Variants in SETD1A observed in about 807,000 individuals in gnomAD.
The protein encoded by SETD1A is histone-lysine N-methyltransferase SETD1A.
A neutral mutation model predicts 149.9 loss-of-function variants in SETD1A; 29 were observed. The observed-to-expected ratio is 0.19, with a 90% confidence interval of 0.14 to 0.26. The LOEUF (loss-of-function observed/expected upper bound fraction) is 0.26, where lower values mean the gene tolerates loss of function less well. SETD1A is among the 10% of genes least tolerant of loss of function. The pLI is 1.00. For missense variants in SETD1A, 2,109 were observed against 2,353.1 expected (o/e 0.90, Z 2.15); for synonymous variants, 1,141 against 968.5 (o/e 1.18, Z -3.31).
chr16:30,967,064 C>T lies in SETD1A; in HGVS notation c.2682+4C>T, dbSNP rs1315477766. The stretch of plus-strand genomic sequence containing the variant: ...CCTGCGGCTGCCTTCATTCAAGGTA[C>T]TCAGAACTGTCGTTTTGTGGGGTAG... On this transcript the variant is annotated splice_donor_region_variant and intron_variant, in intron 9 of 18. Transcript: ENST00000262519. 6.3e-7 allele frequency: 1 copy of T among 1,574,916 alleles called. No individual in the cohort carries two copies. The highest frequency in any genetic ancestry group is 8.6e-7 in the Non-Finnish European group (1 of 1,161,758).
At chr16:30,970,470 G>C (rs1256290515) in intron 12 of SETD1A, among the ~76,000 whole-genome samples, 4 of 151,962 alleles carry the variant, frequency 2.6e-5, no homozygotes, top group Admixed American at 1.3e-4. Context: ...GTTTTACCAT[G>C]TTGGCCAGGC....
rs2056159518 is a variant in SETD1A at position 30,967,139 on chromosome 16, G to A, written c.2682+79G>A. On this transcript the variant is annotated intron_variant, in intron 9 of 18. Transcript: ENST00000262519. The stretch of plus-strand genomic sequence containing the variant: ...CCTTCCTTGGGGTAGGGGTGGTCAG[G>A]AACCATGAGTGTTTGAGTTTTTTCT... 2.8e-6 allele frequency: 3 copies of A among 1,080,124 alleles called. No individual in the cohort carries two copies. In the Admixed American group the frequency reaches 8.8e-5, roughly 32 times the overall value. 66.9% of individuals were successfully genotyped at this position (1,080,124 alleles called of 1,614,324 possible). A position where few individuals can be genotyped will look rare whatever the true frequency, so the allele number is the denominator to read the frequency against.
rs778312766 is a variant in SETD1A, at chr16:30,979,936, G to T, written c.4150G>T (p.Asp1384Tyr). Residue 1384 changes from aspartate (D) to tyrosine (Y), a missense_variant, in exon 14 of 19, where the codon GAT becomes TAT. Around this residue, in one of 8 missense-constraint regions of SETD1A, gnomAD observed 832 missense variants for 815.6 expected, o/e 1.02. Transcript: ENST00000262519. ...EESSDSSSSSDGEGALRRRSL... is the reference protein window; with the variant it reads ...EESSDSSSSSYGEGALRRRSL... ...GTCCTCTGACAGCAGCAGCAGCAGC[G>T]ATGGGGAGGGCGCCCTCCGGAGGCG... 2.0e-6 allele frequency: 3 copies of T among 1,534,190 alleles called. No individual in the cohort carries two copies. The highest frequency in any genetic ancestry group is 2.6e-6 in the Non-Finnish European group (3 of 1,144,958).
rs537106507 is a variant in SETD1A at position 30,978,229 on chromosome 16, G to C, written c.3359-916G>C. On this transcript the variant is annotated intron_variant, in intron 13 of 18. Transcript: ENST00000262519. ...GCGGAGGTTGCAGTAAGCCGAGATT[G>C]CGCCACTGCACTCCCACCTGGCGAC... Among the ~76,000 whole-genome samples, 194 of 148,072 alleles carry C rather than the reference G, an allele frequency of 1.3e-3. 1 individual carries two copies. In the East Asian group the frequency reaches 0.017, roughly 13 times the overall value.
At position 30,964,126 on chromosome 16, in the gene SETD1A, A is replaced by C; in HGVS notation, c.672A>C (p.Thr224=). 1 of 1,614,032 alleles carries C rather than the reference A, an allele frequency of 6.2e-7. No homozygotes were observed. Among genetic ancestry groups the C allele is most frequent in the South Asian group, 1.1e-5 (1 of 91,088 alleles). The part of the protein sequence containing the change: ...AESRRRSSSD[T]AAYPAGTTAV... Reference sequence around the variant, plus strand: ...CCCGCCGCCGCTCTTCCTCTGACACAGCTGCCTACCCAGCAGGCACCACTG... The same window carrying C: ...CCCGCCGCCGCTCTTCCTCTGACACCGCTGCCTACCCAGCAGGCACCACTG... The change falls in exon 6 of 19, where the codon ACA becomes ACC. Residue 224 remains threonine, a synonymous_variant. Coordinates refer to ENST00000262519, the MANE Select transcript of SETD1A (RefSeq NM_014712.3).
chr16:30,977,798 C>T (rs1259955237), intron 13 of SETD1A, among the ~76,000 whole-genome samples: 1 of 152,208 alleles, frequency 6.6e-6, no homozygotes, highest in Non-Finnish European at 1.5e-5. Context: ...GAATCGCTGC[C>T]TCCTAGGGCC....
At chr16:30,960,062 A>G (rs936670468) in intron 3 of SETD1A, among the ~76,000 whole-genome samples, 2 of 152,138 alleles carry the variant, frequency 1.3e-5, no homozygotes, top group Non-Finnish European at 2.9e-5. Context: ...TCAGTTGGTC[A>G]CCGAATCCTC....
At chr16:30,982,624 GGA>G (rs2056395024) in intron 17 of SETD1A, among the ~76,000 whole-genome samples, 1 of 151,924 alleles carries the variant, frequency 6.6e-6, no homozygotes, top group Non-Finnish European at 1.5e-5. Context: ...TGGTGAGAGA[GGA>G]GGAAAGTCCC....
Position 30,980,342 on chromosome 16 carries a change from G to A in SETD1A, c.4409-143G>A, listed in dbSNP as rs1433012126. ...TGGTGCCTCTTTTCTGCCTTCCAAA[G>A]CATTTCTGGCAGGAACGATGGGGCT... On this transcript the variant is annotated intron_variant, in intron 14 of 18. Coordinates refer to ENST00000262519, the MANE Select transcript of SETD1A (RefSeq NM_014712.3). This position sits in a 1 kb window ranked among gnomAD's most constrained non-coding sequence, Gnocchi z 7.7. The A allele has an allele frequency of 1.4e-6, 2 of 1,442,338 alleles. No individual in the cohort carries two copies. The highest frequency in any genetic ancestry group is 4.7e-5 in the East Asian group (2 of 42,966). 89.3% of individuals were successfully genotyped at this position (1,442,338 alleles called of 1,614,324 possible). A position where few individuals can be genotyped will look rare whatever the true frequency, so the allele number is the denominator to read the frequency against.
At chr16:30,966,511 C>A in intron 8 of SETD1A, 125 bp downstream of exon 8, 1 of 1,409,298 alleles carries the variant, frequency 7.1e-7, no homozygotes, top group Non-Finnish European at 9.4e-7. Context: ...GGCCGCAGGC[C>A]CTGCAGGCCA....
intron 10 of SETD1A, among the ~76,000 whole-genome samples, chr16:30,968,821 T>C (rs1241404994): frequency 6.7e-6 from 1 of 149,334 alleles, no homozygotes; most frequent in Non-Finnish European, 1.5e-5. Context: ...TATATATATA[T>C]ATGCCAGGCA....
chr16:30,961,194 C>T lies in SETD1A; in HGVS notation c.247-73C>T. The T allele has an allele frequency of 2.7e-6, 4 of 1,506,154 alleles. No individual in the cohort carries two copies. The highest frequency in any genetic ancestry group is 3.6e-6 in the Non-Finnish European group (4 of 1,096,454). 93.3% of individuals were successfully genotyped at this position (1,506,154 alleles called of 1,614,324 possible). On this transcript the variant is annotated intron_variant, in intron 3 of 18. Coordinates refer to ENST00000262519, the MANE Select transcript of SETD1A (RefSeq NM_014712.3). The surrounding 1 kb of genome is among the most constrained non-coding windows in gnomAD (Gnocchi z 4.0). ...CTCTCTCTTGACTTCATGGAGCTTG[C>T]TAAAGTTTCCCGAAGGACAAAGGAA...
intron 4 of SETD1A, among the ~76,000 whole-genome samples, chr16:30,963,160 T>C (rs1005877615): frequency 6.6e-6 from 1 of 152,268 alleles, no homozygotes; most frequent in Admixed American, 6.5e-5. Flanking sequence ...ACAGAGGTAC[T>C]GATGCTTCCC....
In SETD1A at chr16:30,965,995, G is replaced by C. The variant is rs752926780; in HGVS notation, c.2114G>C (p.Gly705Ala). The C allele has an allele frequency of 2.5e-6, 4 of 1,577,990 alleles. No individual in the cohort carries two copies. In the Admixed American group the frequency reaches 7.2e-5, roughly 28 times the overall value. ...AAGGGATTGATTGCCGCCTCAGCTG[G>C]CCCCCCCGGTGGGGCCTTTGGGGAG... ...QGKGLIAASA[G>A]PPGGAFGEAF... Residue 705 changes from glycine to alanine, a missense_variant, in exon 8 of 19, where the codon GGC becomes GCC. Around this residue, in one of 8 missense-constraint regions of SETD1A, gnomAD observed 431 missense variants for 388.6 expected, o/e 1.11. Transcript: ENST00000262519.
chr16:30,969,729 A>C (rs1567356730), intron 12 of SETD1A, 40 bp downstream of exon 12: 1 of 1,543,976 alleles, frequency 6.5e-7, no homozygotes, highest in African/African-American at 1.4e-5. Flanking sequence ...GGCTCGGAGG[A>C]GGGGTTCGGC....
chr16:30,965,507 A>G (rs1176064316), intron 7 of SETD1A, 46 bp downstream of exon 7: 2 of 1,581,498 alleles, frequency 1.3e-6, no homozygotes, highest in African/African-American at 1.4e-5. Flanking sequence ...TCTGGGAGTC[A>G]GGGTTGGGCC....
At chr16:30,974,732 C>T (rs1450624201) in intron 13 of SETD1A, among the ~76,000 whole-genome samples, 2 of 152,102 alleles carry the variant, frequency 1.3e-5, no homozygotes, top group Admixed American at 6.6e-5. Flanking sequence ...TGGGGCCGGG[C>T]GCAGTGGCTC....
Position 30,964,303 on chromosome 16 carries a change from G to A in SETD1A, c.849G>A (p.Gln283=), listed in dbSNP as rs968171302. The A allele has an allele frequency of 5.0e-6, 8 of 1,613,712 alleles. No individual in the cohort carries two copies. The Admixed American group carries it at 8.3e-5, about 17-fold the overall frequency. Residue 283 remains glutamine (Q), a synonymous_variant, in exon 6 of 19, where the codon CAG becomes CAA. Transcript: ENST00000262519. Reference sequence around the variant, plus strand: ...CTCGGGGCAGCACCCCCTACTCTCAGGACTCTGCCTACTCCAGCAGGTACA... The same window carrying A: ...CTCGGGGCAGCACCCCCTACTCTCAAGACTCTGCCTACTCCAGCAGGTACA... ...YTSRGSTPYS[Q]DSAYSSSTTS...
At chr16:30,964,566 G>C (rs2056107094) in intron 6 of SETD1A, 46 bp from the exon 7 acceptor site, 2 of 1,585,784 alleles carry the variant, frequency 1.3e-6, no homozygotes, top group Non-Finnish European at 1.7e-6. Context: ...GCTGTGGTTT[G>C]GTCATAGAGA....
Sources: allele counts gnomAD v4.1 joint callset (sites outside exome capture counted in the v4.1 genomes callset), GRCh38; gene constraint gnomAD v4.1.1; regional missense constraint gnomAD v4.1.1; non-coding constraint Gnocchi (gnomAD v3.1); transcripts MANE v1.5; gene names NCBI Gene and HGNC (gene_info 2026-07-23, HGNC 2026-07-21).